Variants in CASP10 observed in about 807,000 individuals in gnomAD.
The protein encoded by CASP10 is caspase 10.
In CASP10, 41 loss-of-function variants were observed where a neutral mutation model predicts 48.5. The observed-to-expected ratio is 0.85, with a 90% CI of 0.66 to 1.10. CASP10 has a LOEUF of 1.10. Among genes scored for constraint, CASP10 ranks in the 50% least tolerant of loss-of-function variants. The pLI is 0.00. For missense variants in CASP10, 614 were observed against 614.5 expected, an observed-to-expected ratio of 1.00 and a Z score of 0.01; for synonymous variants, 232 against 238.4, an observed-to-expected ratio of 0.97 and a Z score of 0.25.
chr2:201,188,763 T>A (rs1322032000), intron 3 of CASP10, among the ~76,000 whole-genome samples: 1 of 152,182 alleles, frequency 6.6e-6, no homozygotes, highest in Non-Finnish European at 1.5e-5. Flanking sequence ...TGTTTTTTCA[T>A]CAGGAGGTAC....
At chr2:201,193,793 G>C (rs938058930) in intron 4 of CASP10, among the ~76,000 whole-genome samples, 1 of 152,202 alleles carries the variant, frequency 6.6e-6, no homozygotes. Flanking sequence ...AGGCAGGATA[G>C]CATGGGGTAA....
rs780923455 is a variant in CASP10 at position 201,185,924 on chromosome 2, C to A, written c.147C>A (p.Asn49Lys). Reference sequence around the variant, plus strand: ...TTCTCTGCATAGGATTGGTCCCCAACAAGAAGCTGGAGAAGTCCAGCTCAG... The same window carrying A: ...TTCTCTGCATAGGATTGGTCCCCAAAAAGAAGCTGGAGAAGTCCAGCTCAG... ...LKFLCIGLVP[N>K]KKLEKSSSAS... The change falls in exon 2 of 10, where the codon AAC becomes AAA. Residue 49 changes from asparagine to lysine, a missense_variant. Physicochemically the swap from Asn to Lys is moderately conservative, Grantham distance 94. Transcript: ENST00000286186. 1.9e-6 allele frequency: 3 copies of A among 1,614,194 alleles called. No individual in the cohort carries two copies. The highest frequency in any genetic ancestry group is 2.5e-6 in the Non-Finnish European group (3 of 1,180,024).
At chr2:201,191,013 C>A (rs1043406696) in intron 3 of CASP10, among the ~76,000 whole-genome samples, 1 of 151,944 alleles carries the variant, frequency 6.6e-6, no homozygotes, top group African/African-American at 2.4e-5. Flanking sequence ...AGGCGCCCAC[C>A]ACCACACCCA....
rs1186329815 is a variant in CASP10, at chr2:201,208,062, T to A, written c.814-13T>A. The A allele has an allele frequency of 1.9e-6, 3 of 1,598,054 alleles. No homozygotes were observed. Among genetic ancestry groups the A allele is most frequent in the East Asian group, 4.5e-5 (2 of 44,786 alleles). On this transcript the variant is annotated splice_polypyrimidine_tract_variant and intron_variant, in intron 7 of 9. Coordinates refer to ENST00000286186, the MANE Select transcript of CASP10 (RefSeq NM_032977.4). The stretch of plus-strand genomic sequence containing the variant: ...TAAGGATTCCTACTAAGTGGCTCTA[T>A]CTATTCTTCAAGAGGGCAGCTGTGT...
chr2:201,209,306 C>G lies in CASP10; in HGVS notation c.1159C>G (p.Pro387Ala), dbSNP rs759782468. 52 of 1,614,058 alleles carry G rather than the reference C, an allele frequency of 3.2e-5. No homozygotes were observed. The highest frequency in any genetic ancestry group is 4.4e-5 in the Non-Finnish European group (52 of 1,180,034). Residue 387 changes from proline (P) to alanine (A), a missense_variant, in exon 9 of 10, where the codon CCT becomes GCT. Coordinates refer to ENST00000286186, the MANE Select transcript of CASP10 (RefSeq NM_032977.4). Reference sequence around the variant, plus strand: ...GTCTCACTTCACAGCCCTGCAGTGCCCTAGACTGGCTGAAAAACCTAAACT... The same window carrying G: ...GTCTCACTTCACAGCCCTGCAGTGCGCTAGACTGGCTGAAAAACCTAAACT... Reference protein sequence around the residue: ...IMSHFTALQCPRLAEKPKLFF... With the variant: ...IMSHFTALQCARLAEKPKLFF...
At chr2:201,202,097 C>G (rs1325319824) in intron 5 of CASP10, among the ~76,000 whole-genome samples, 1 of 152,134 alleles carries the variant, frequency 6.6e-6, no homozygotes, top group African/African-American at 2.4e-5. Flanking sequence ...GGTGATCCAC[C>G]TGCTTCAGCT....
intron 9 of CASP10, among the ~76,000 whole-genome samples, chr2:201,227,584 T>C (rs1443038381): frequency 6.6e-6 from 1 of 152,054 alleles, no homozygotes; most frequent in Non-Finnish European, 1.5e-5. Flanking sequence ...TGAGATGGAG[T>C]CTCGCTCTGT....
chr2:201,204,052 C>A (rs759415265), intron 6 of CASP10, among the ~76,000 whole-genome samples: 22 of 152,140 alleles, frequency 1.4e-4, no homozygotes, highest in Non-Finnish European at 2.9e-4. Context: ...AATTAGGCCA[C>A]CCTCTGTGCA....
chr2:201,184,192 T>C (rs1478786574), intron 1 of CASP10, among the ~76,000 whole-genome samples: 1 of 152,136 alleles, frequency 6.6e-6, no homozygotes, highest in East Asian at 1.9e-4. Context: ...ATTTAGTATG[T>C]AGAATACCAT....
chr2:201,209,695 C>T lies in CASP10; in HGVS notation c.1415+133C>T, dbSNP rs545567627. 2.9e-5 allele frequency: 25 copies of T among 867,704 alleles called. No homozygotes were observed. The East Asian group carries it at 6.7e-4, about 23-fold the overall frequency. The allele number at this position is 867,704 out of a possible 1,614,324, so 53.8% of individuals were successfully genotyped here. A position where few individuals can be genotyped will look rare whatever the true frequency, so the allele number is the denominator to read the frequency against. On this transcript the variant is annotated intron_variant, in intron 9 of 9. Transcript: ENST00000286186. ...TCCATGTACCTGTTCAACCATCTGC[C>T]TACCCTCCTGTTTATCTATTTATCC... is the stretch of plus-strand genomic sequence containing the variant.
intron 6 of CASP10, 106 bp downstream of exon 6, chr2:201,203,872 A>G: frequency 2.2e-6 from 2 of 908,850 alleles, no homozygotes; most frequent in Non-Finnish European, 3.6e-6. Context: ...GAAGCTTTAT[A>G]AATAATGAAT....
rs1030732308 is a variant in CASP10 at position 201,221,255 on chromosome 2, G to C, written c.*3514G>C. On this transcript the variant is annotated 3_prime_UTR_variant, in exon 10 of 10. Transcript: ENST00000286186. ...TGATGTCTACCGCAGCAGAAGGCCAGCTCTTGACTCTGAGTTCAGTTGGAC... is the reference window on the plus strand; with the variant it reads ...TGATGTCTACCGCAGCAGAAGGCCACCTCTTGACTCTGAGTTCAGTTGGAC... 2 of 985,546 alleles carry C rather than the reference G, an allele frequency of 2.0e-6. No homozygotes were observed. Among genetic ancestry groups the C allele is most frequent in the African/African-American group, 3.5e-5 (2 of 57,222 alleles). 61.1% of individuals were successfully genotyped at this position (985,546 alleles called of 1,614,324 possible).
chr2:201,195,767 T>G (rs1368648433), intron 4 of CASP10, 75 bp from the exon 5 acceptor site: 2 of 1,168,136 alleles, frequency 1.7e-6, no homozygotes, highest in East Asian at 4.7e-5. Context: ...AACCTCCGCC[T>G]CCTGGGTTCA....
chr2:201,221,205 A>G lies in CASP10; in HGVS notation c.*3464A>G. ...TTACCCCTGACATACTCTGAGTAAG[A>G]TCTAATTCTTCCCTCACTGGTTCGT... On this transcript the variant is annotated 3_prime_UTR_variant, in exon 10 of 10. Transcript: ENST00000286186. 1 of 985,394 alleles carries G rather than the reference A, an allele frequency of 1.0e-6. No individual in the cohort carries two copies. The highest frequency in any genetic ancestry group is 1.2e-6 in the Non-Finnish European group (1 of 829,932). 61.0% of individuals were successfully genotyped at this position (985,394 alleles called of 1,614,324 possible). A position where few individuals can be genotyped will look rare whatever the true frequency, so the allele number is the denominator to read the frequency against.
chr2:201,191,256 A>G (rs1392881741), intron 3 of CASP10, among the ~76,000 whole-genome samples: 1 of 152,134 alleles, frequency 6.6e-6, no homozygotes, highest in African/African-American at 2.4e-5. Context: ...TGGCCAAATG[A>G]TCTTGTTTTT....
chr2:201,186,789 C>T (rs1318276855), intron 2 of CASP10, among the ~76,000 whole-genome samples: 1 of 152,106 alleles, frequency 6.6e-6, no homozygotes. Context: ...TGGGTTCGAG[C>T]GATTCTCCTG....
Position 201,218,862 on chromosome 2 carries a change from A to C in CASP10, c.*1121A>C, listed in dbSNP as rs1300601864. ...GCCCATTTCCTGCTTTTGTGTAAGG[A>C]AGGTGCTCACATAGGAAGTTTTTAT... is the stretch of plus-strand genomic sequence containing the variant. On this transcript the variant is annotated 3_prime_UTR_variant, in exon 10 of 10. Coordinates refer to ENST00000286186, the MANE Select transcript of CASP10 (RefSeq NM_032977.4). 2.0e-6 allele frequency: 2 copies of C among 985,260 alleles called. No homozygotes were observed. Among genetic ancestry groups the C allele is most frequent in the African/African-American group, 3.5e-5 (2 of 57,198 alleles). The allele number at this position is 985,260 out of a possible 1,614,324, so 61.0% of individuals were successfully genotyped here.
intron 3 of CASP10, among the ~76,000 whole-genome samples, chr2:201,189,841 A>C (rs1944545957): frequency 6.6e-6 from 1 of 152,060 alleles, no homozygotes; most frequent in Admixed American, 6.6e-5. Flanking sequence ...TCTACAAAAA[A>C]TACAAAAATT....
intron 9 of CASP10, among the ~76,000 whole-genome samples, chr2:201,217,136 C>T (rs1945594697): frequency 6.6e-6 from 1 of 152,178 alleles, no homozygotes; most frequent in South Asian, 2.1e-4. Flanking sequence ...TGTATCTCTC[C>T]CAAGACTACA....
Sources: allele counts gnomAD v4.1 joint callset (sites outside exome capture counted in the v4.1 genomes callset), GRCh38; gene constraint gnomAD v4.1.1; transcripts MANE v1.5; gene names NCBI Gene and HGNC (gene_info 2026-07-23, HGNC 2026-07-21).